COL24A1: variants seen among roughly 807,000 people sequenced by gnomAD.
COL24A1 encodes collagen alpha-1(XXIV) chain.
Under a neutral mutation model 253.9 loss-of-function variants are expected in COL24A1, and 224 were observed. The observed-to-expected ratio is 0.88, with a 90% CI of 0.79 to 0.99. The LOEUF (loss-of-function observed/expected upper bound fraction) is 0.99. Among genes scored for constraint, COL24A1 ranks in the 50% least tolerant of loss-of-function variants. The pLI is 0.00. For synonymous variants in COL24A1, 685 were observed against 673.7 expected, an observed-to-expected ratio of 1.02 and a Z score of -0.26; for missense variants, 2,131 against 2,068.5, an observed-to-expected ratio of 1.03 and a Z score of -0.59.
At position 86,047,219 on chromosome 1, in the gene COL24A1, G is replaced by A. The variant is rs1017902792; in HGVS notation, c.1906-350C>T. 7.9e-5 allele frequency among the ~76,000 whole-genome samples: 12 copies of A among 152,096 alleles called. 1 individual carries two copies. Among genetic ancestry groups the A allele is most frequent in the South Asian group, 6.2e-4 (3 of 4,826 alleles). The stretch of plus-strand genomic sequence containing the variant: ...TTATTTTCCACATCTAAGGGACAAC[G>A]CCCTCCTCTCTGCCTTCCCCTCTCT... On this transcript the variant is annotated intron_variant, in intron 11 of 59. Transcript: ENST00000370571.
rs1423889829 is a variant in COL24A1, at chr1:85,799,369, G to A, written c.3952-12908C>T. 6.0e-5 allele frequency among the ~76,000 whole-genome samples: 7 copies of A among 117,610 alleles called. No individual in the cohort carries two copies. In the South Asian group the frequency reaches 1.9e-3, roughly 31 times the overall value. 77.2% of individuals were successfully genotyped at this position (117,610 alleles called of 152,430 possible). A position where few individuals can be genotyped will look rare whatever the true frequency, so the allele number is the denominator to read the frequency against. On this transcript the variant is annotated intron_variant, in intron 47 of 59. Transcript: ENST00000370571. Reference sequence around the variant, plus strand: ...TAAAGGTAAGCCAAGGAACACCATGGTGCCATGACTAAAAAAAAAAAAAAA... The same window carrying A: ...TAAAGGTAAGCCAAGGAACACCATGATGCCATGACTAAAAAAAAAAAAAAA...
At chr1:86,073,960 G>A (rs12564004) in intron 7 of COL24A1, among the ~76,000 whole-genome samples, 51,935 of 150,320 alleles carry the variant, frequency 0.35, 9,298 homozygotes, top group Middle Eastern at 0.51. Flanking sequence ...TACAAGGAGG[G>A]AGCATTAAAT....
intron 19 of COL24A1, among the ~76,000 whole-genome samples, chr1:86,011,731 A>T (rs1696498741): frequency 6.6e-6 from 1 of 152,198 alleles, no homozygotes; most frequent in Admixed American, 6.5e-5. Context: ...TAGTAGTAAT[A>T]ATTTTCCCAG....
chr1:85,858,417 C>G (rs12130385), intron 37 of COL24A1, among the ~76,000 whole-genome samples: 19,802 of 152,048 alleles, frequency 0.13, 1,415 homozygotes, highest in Non-Finnish European at 0.16. Flanking sequence ...TTTTAAAACC[C>G]CTTCTGCCTT....
chr1:86,131,378 T>C (rs138388818), intron 2 of COL24A1, among the ~76,000 whole-genome samples: 1,833 of 152,094 alleles, frequency 0.012, 34 homozygotes, highest in East Asian at 0.074. Flanking sequence ...TTTTTATATA[T>C]ATACTTTAAG....
chr1:85,886,455 G>T (rs929149462), intron 32 of COL24A1, among the ~76,000 whole-genome samples: 1 of 151,662 alleles, frequency 6.6e-6, no homozygotes, highest in African/African-American at 2.4e-5. Context: ...CACAAGGTCA[G>T]GAGATCAAGA....
intron 5 of COL24A1, among the ~76,000 whole-genome samples, chr1:86,108,721 C>T (rs1259109074): frequency 6.7e-6 from 1 of 149,994 alleles, no homozygotes; most frequent in Non-Finnish European, 1.5e-5. Flanking sequence ...GCAGGATAAT[C>T]GCTTGAACCC....
intron 57 of COL24A1, among the ~76,000 whole-genome samples, chr1:85,740,739 T>C (rs1210882004): frequency 6.6e-6 from 1 of 151,478 alleles, no homozygotes; most frequent in African/African-American, 2.4e-5. Flanking sequence ...CCCAAAGTGC[T>C]GGGATTACAG....
chr1:85,919,264 T>A (rs906000624), intron 24 of COL24A1, among the ~76,000 whole-genome samples: 2 of 152,252 alleles, frequency 1.3e-5, no homozygotes, highest in Non-Finnish European at 2.9e-5. Context: ...CTAAACTGAC[T>A]GATGCAATAT....
At chr1:85,993,425 TAAGTGA>T (rs1339769525) in intron 19 of COL24A1, among the ~76,000 whole-genome samples, 9 of 140,770 alleles carry the variant, frequency 6.4e-5, no homozygotes, top group African/African-American at 2.3e-4. Flanking sequence ...TGTCTTATGC[TAAGTGA>T]AAGAAGCCAG....
intron 37 of COL24A1, among the ~76,000 whole-genome samples, chr1:85,866,340 T>C (rs921548292): frequency 6.6e-6 from 1 of 152,274 alleles, no homozygotes; most frequent in Non-Finnish European, 1.5e-5. Context: ...TATATTATCT[T>C]GTACAAATCT....
intron 19 of COL24A1, among the ~76,000 whole-genome samples, chr1:86,001,789 C>T (rs1158784766): frequency 1.3e-5 from 2 of 152,050 alleles, no homozygotes; most frequent in African/African-American, 4.8e-5. Flanking sequence ...GACTAAGAGC[C>T]TCAGGAAAAA....
At position 86,124,832 on chromosome 1, in the gene COL24A1, A is replaced by G. The variant is rs199643814; in HGVS notation, c.1491+13T>C. 6.6e-7 allele frequency: 1 copy of G among 1,520,908 alleles called. No individual in the cohort carries two copies. The highest frequency in any genetic ancestry group is 2.3e-5 in the Admixed American group (1 of 43,598). 94.2% of individuals were successfully genotyped at this position (1,520,908 alleles called of 1,614,324 possible). On this transcript the variant is annotated intron_variant, in intron 3 of 59. Coordinates refer to ENST00000370571, the MANE Select transcript of COL24A1 (RefSeq NM_152890.7). The stretch of plus-strand genomic sequence containing the variant: ...TTAGCATATTAGGAGATATTAAAAA[A>G]AAAAAAACTTACGGGAGGTCCAGTG...
intron 2 of COL24A1, among the ~76,000 whole-genome samples, chr1:86,145,342 G>A (rs1456777361): frequency 6.6e-6 from 1 of 152,014 alleles, no homozygotes; most frequent in Non-Finnish European, 1.5e-5. Context: ...TACCTTTAAG[G>A]CAGAGGAGAA....
chr1:85,907,129 C>T lies in COL24A1; in HGVS notation c.2778+65G>A, dbSNP rs1321225348. On this transcript the variant is annotated intron_variant, in intron 28 of 59. Coordinates refer to ENST00000370571, the MANE Select transcript of COL24A1 (RefSeq NM_152890.7). ...AAGGTATGATGCTATTTTTGTTGCA[C>T]ATTTTCCACTATTTATGAAGTAATT... The T allele has an allele frequency of 1.8e-5, 24 of 1,326,156 alleles. No individual in the cohort carries two copies. In the East Asian group the frequency reaches 5.3e-4, roughly 29 times the overall value. 82.1% of individuals were successfully genotyped at this position (1,326,156 alleles called of 1,614,324 possible).
At chr1:86,045,425 A>T (rs1699823337) in intron 12 of COL24A1, among the ~76,000 whole-genome samples, 1 of 152,186 alleles carries the variant, frequency 6.6e-6, no homozygotes, top group Admixed American at 6.5e-5. Context: ...AAATTTGAAG[A>T]TACAGAATGG....
At chr1:85,790,266 C>T (rs1203549709) in intron 47 of COL24A1, among the ~76,000 whole-genome samples, 2 of 152,144 alleles carry the variant, frequency 1.3e-5, no homozygotes, top group Non-Finnish European at 2.9e-5. Context: ...TCAACTGTTA[C>T]TGGTTCAGTC....
At chr1:86,104,653 C>T (rs115493763) in intron 5 of COL24A1, among the ~76,000 whole-genome samples, 1,626 of 152,314 alleles carry the variant, frequency 0.011, 10 homozygotes, top group Non-Finnish European at 0.016. Flanking sequence ...GGCCAAGGCT[C>T]AACTCACAAC....
At position 85,920,913 on chromosome 1, in the gene COL24A1, T is replaced by C. The variant is rs371753632; in HGVS notation, c.2563-9480A>G. Among the ~76,000 whole-genome samples, 61 of 150,070 alleles carry C rather than the reference T, an allele frequency of 4.1e-4. 1 individual carries two copies. In the South Asian group the frequency reaches 0.011, roughly 26 times the overall value. ...AAGAAGGGAATCTAATGAAGATTCATTGGAGGCAAGAGGTAGAAAAAAAAA... is the reference window on the plus strand; with the variant it reads ...AAGAAGGGAATCTAATGAAGATTCACTGGAGGCAAGAGGTAGAAAAAAAAA... On this transcript the variant is annotated intron_variant, in intron 24 of 59. Coordinates refer to ENST00000370571, the MANE Select transcript of COL24A1 (RefSeq NM_152890.7).
Sources: gnomAD v4.1 joint callset for allele counts (sites outside exome capture counted in the v4.1 genomes callset) on GRCh38, gnomAD v4.1.1 for gene constraint, MANE v1.5 for transcripts, NCBI Gene and HGNC (gene_info 2026-07-23, HGNC 2026-07-21) for gene names.